The following FARP1 variants were observed in gnomAD, a reference collection of about 807,000 sequenced individuals.
FARP1 encodes FERM, ARH/RhoGEF and pleckstrin domain protein 1, also known as FERM, ARHGEF and pleckstrin domain-containing protein 1.
A neutral mutation model predicts 128.8 loss-of-function variants in FARP1; 52 were observed. The observed-to-expected ratio is 0.40, with a 90% CI of 0.32 to 0.51. The LOEUF (loss-of-function observed/expected upper bound fraction) is 0.51, where lower values mean the gene tolerates loss of function less well. Among genes scored for constraint, FARP1 ranks in the 20% least tolerant of loss-of-function variants. The pLI, the probability that FARP1 is intolerant of heterozygous loss-of-function variation, is 0.45. For synonymous variants in FARP1, 580 were observed against 551.8 expected, an observed-to-expected ratio of 1.05 and a Z score of -0.72; for missense variants, 1,333 against 1,367.9, an observed-to-expected ratio of 0.97 and a Z score of 0.40.
chr13:98,427,114 T>C (rs1250170858), intron 17 of FARP1, among the ~76,000 whole-genome samples: 1 of 152,056 alleles, frequency 6.6e-6, no homozygotes, highest in Non-Finnish European at 1.5e-5. Context: ...AAATATATAA[T>C]GACAGGGATC....
At chr13:98,410,014 C>G (rs1891130268) in intron 14 of FARP1, among the ~76,000 whole-genome samples, 1 of 152,238 alleles carries the variant, frequency 6.6e-6, no homozygotes, top group South Asian at 2.1e-4. Context: ...AATGGACAGT[C>G]ATGTGGTTCC....
Position 98,176,095 on chromosome 13 carries a change from A to G in FARP1, c.-24+32603A>G, listed in dbSNP as rs115127901. 6.2e-3 allele frequency: 8,380 copies of G among 1,342,610 alleles called. 121 individuals are homozygous for G. The highest frequency in any genetic ancestry group is 0.044 in the African/African-American group (2,989 of 68,654). The allele number at this position is 1,342,610 out of a possible 1,614,324, so 83.2% of individuals were successfully genotyped here. ...TACTCAGGCATGGGATTGCAGGAAG[A>G]CTGTCATCTCTCTCATCTTACTCAA... is the stretch of plus-strand genomic sequence containing the variant. On this transcript the variant is annotated intron_variant, in intron 1 of 26. Coordinates refer to ENST00000319562, the MANE Select transcript of FARP1 (RefSeq NM_005766.4). The surrounding 1 kb of genome is among the most constrained non-coding windows in gnomAD (Gnocchi z 6.2).
intron 2 of FARP1, among the ~76,000 whole-genome samples, chr13:98,257,685 A>T (rs1214238054): frequency 6.6e-6 from 1 of 151,950 alleles, no homozygotes; most frequent in Non-Finnish European, 1.5e-5. Flanking sequence ...CAGGAGAATC[A>T]CTTGTATCCT....
At chr13:98,177,152 C>T in intron 1 of FARP1, 1 of 1,607,528 alleles carries the variant, frequency 6.2e-7, no homozygotes, top group Non-Finnish European at 8.5e-7. Flanking sequence ...CCTGCAGCCC[C>T]TTTCCGTCCA....
chr13:98,154,428 T>C (rs1194333840), intron 1 of FARP1, among the ~76,000 whole-genome samples: 1 of 152,200 alleles, frequency 6.6e-6, no homozygotes, highest in African/African-American at 2.4e-5. Flanking sequence ...AAGAAGGGCT[T>C]ACCTGAAGAT....
In FARP1 at chr13:98,176,876, CCTT is replaced by C; in HGVS notation, c.-24+33387_-24+33389del. 3.1e-6 allele frequency: 5 copies of C among 1,607,842 alleles called. No individual in the cohort carries two copies. The Admixed American group carries it at 8.3e-5, about 27-fold the overall frequency. On this transcript the variant is annotated intron_variant, in intron 1 of 26. Transcript: ENST00000319562. This position sits in a 1 kb window ranked among gnomAD's most constrained non-coding sequence, Gnocchi z 6.2. ...TTGAGGATGGTCGGCGTATGGTGCTCCTTCTCGGTGTCCTGCTCGAAGTCAGCG... is the reference window on the plus strand; with the variant it reads ...TTGAGGATGGTCGGCGTATGGTGCTCCTCGGTGTCCTGCTCGAAGTCAGCG...
Position 98,232,145 on chromosome 13 carries a change from G to GTTTTTTTTTTTTTT in FARP1, c.171+18740_171+18753dup, listed in dbSNP as rs59209045. 2.6e-4 allele frequency among the ~76,000 whole-genome samples: 28 copies of GTTTTTTTTTTTTTT among 105,758 alleles called. 1 individual carries two copies. The highest frequency in any genetic ancestry group is 4.6e-4 in the African/African-American group (12 of 26,150). 69.4% of individuals were successfully genotyped at this position (105,758 alleles called of 152,430 possible). A position where few individuals can be genotyped will look rare whatever the true frequency, so the allele number is the denominator to read the frequency against. ...GTGCCCGGCTTTTTTTGTTTGGTTG[G>GTTTTTTTTTTTTTT]TTTTTTTTTTTTTTTTTTTTTGCTT... On this transcript the variant is annotated intron_variant, in intron 2 of 26. Transcript: ENST00000319562.
At chr13:98,410,889 C>G in intron 15 of FARP1, 66 bp downstream of exon 15, 1 of 784,550 alleles carries the variant, frequency 1.3e-6, no homozygotes, top group Admixed American at 2.2e-5. Flanking sequence ...CTCAGCTATA[C>G]GGGGAGGCTG....
chr13:98,183,806 G>A (rs1878685102), intron 1 of FARP1, among the ~76,000 whole-genome samples: 1 of 152,098 alleles, frequency 6.6e-6, no homozygotes. Flanking sequence ...CCAAACAATT[G>A]TTATTTCTTT....
intron 1 of FARP1, among the ~76,000 whole-genome samples, chr13:98,174,544 G>A (rs1195492681): frequency 6.6e-6 from 1 of 152,128 alleles, no homozygotes; most frequent in Non-Finnish European, 1.5e-5. Context: ...TGACAAAAAC[G>A]GACGGACTTA....
chr13:98,422,679 G>A (rs745953532), intron 16 of FARP1, among the ~76,000 whole-genome samples: 1 of 152,158 alleles, frequency 6.6e-6, no homozygotes, highest in Non-Finnish European at 1.5e-5. Context: ...TTCTACTCAC[G>A]ATGACTTTTC....
At chr13:98,396,655 G>A (rs537755625) in intron 13 of FARP1, 5 of 396,760 alleles carry the variant, frequency 1.3e-5, no homozygotes, top group African/African-American at 2.1e-5. Context: ...TTCTAAAATC[G>A]TTAAGAAAAA....
At chr13:98,190,035 A>T (rs1879120420) in intron 1 of FARP1, among the ~76,000 whole-genome samples, 2 of 152,142 alleles carry the variant, frequency 1.3e-5, no homozygotes, top group African/African-American at 4.8e-5. Context: ...GTTCTTGGCC[A>T]GTTGCCACTG....
intron 2 of FARP1, among the ~76,000 whole-genome samples, chr13:98,293,968 G>A (rs1240335174): frequency 6.6e-6 from 1 of 152,216 alleles, no homozygotes; most frequent in African/African-American, 2.4e-5. Context: ...CTCAAGAGAT[G>A]CTGGTCTACT....
At chr13:98,180,109 G>A (rs953605693) in intron 1 of FARP1, among the ~76,000 whole-genome samples, 16 of 152,080 alleles carry the variant, frequency 1.1e-4, no homozygotes, top group Non-Finnish European at 2.1e-4. Context: ...GAATGCCTGA[G>A]GCTAGGTAAT....
chr13:98,396,081 T>C lies in FARP1; in HGVS notation c.1414+605T>C, dbSNP rs1295108891. On this transcript the variant is annotated intron_variant, in intron 13 of 26. Coordinates refer to ENST00000319562, the MANE Select transcript of FARP1 (RefSeq NM_005766.4). ...GTAGATGTAATAAGTCAGAGACAGA[T>C]CCACTCATCCTTAGCCAGGTAGCAT... 26 of 398,992 alleles carry C rather than the reference T, an allele frequency of 6.5e-5. No homozygotes were observed. The East Asian group carries it at 7.8e-4, about 12-fold the overall frequency. 24.7% of individuals were successfully genotyped at this position (398,992 alleles called of 1,614,324 possible).
At chr13:98,288,526 G>T (rs543486230) in intron 2 of FARP1, among the ~76,000 whole-genome samples, 2 of 152,096 alleles carry the variant, frequency 1.3e-5, no homozygotes, top group Admixed American at 1.3e-4. Context: ...TGCGCTTGTG[G>T]CCTCACTGTG....
intron 1 of FARP1, among the ~76,000 whole-genome samples, chr13:98,149,722 A>T (rs564978130): frequency 7.6e-6 from 1 of 130,984 alleles, no homozygotes; most frequent in Admixed American, 8.0e-5. Context: ...TGTCTGTTAG[A>T]TATTTACTTT....
intron 2 of FARP1, among the ~76,000 whole-genome samples, chr13:98,302,015 G>A (rs1885948115): frequency 6.6e-6 from 1 of 151,860 alleles, no homozygotes; most frequent in Non-Finnish European, 1.5e-5. Flanking sequence ...AATACTTGGT[G>A]TAGACACACC....
Sources: gnomAD v4.1 joint callset for allele counts (sites outside exome capture counted in the v4.1 genomes callset) on GRCh38, gnomAD v4.1.1 for gene constraint, Gnocchi (gnomAD v3.1) non-coding constraint, MANE v1.5 for transcripts, NCBI Gene and HGNC (gene_info 2026-07-23, HGNC 2026-07-21) for gene names.